Variants in PLCB1 observed in about 807,000 individuals in gnomAD.
PLCB1 encodes 1-phosphatidylinositol 4,5-bisphosphate phosphodiesterase beta-1.
A neutral mutation model predicts 161.8 loss-of-function variants in PLCB1; 46 were observed. That is an observed-to-expected ratio of 0.28 (90% CI 0.22 to 0.36). The LOEUF (loss-of-function observed/expected upper bound fraction) is 0.36. Among genes scored for constraint, PLCB1 ranks in the 10% least tolerant of loss-of-function variants. The probability of loss-of-function intolerance (pLI) is 1.00; values close to 1 mark genes in which losing one functional copy is unlikely to be tolerated. For synonymous variants in PLCB1, 517 were observed against 503.7 expected (o/e 1.03, Z -0.35); for missense variants, 1,016 against 1,472.5 (o/e 0.69, Z 5.07).
chr20:8,451,450 C>A (rs976889268), intron 3 of PLCB1, among the ~76,000 whole-genome samples: 2 of 152,082 alleles, frequency 1.3e-5, no homozygotes, highest in Admixed American at 6.5e-5. Context: ...TGGGTTCAAG[C>A]GATTCTCATG....
chr20:8,629,371 C>A (rs1280474079), intron 4 of PLCB1, among the ~76,000 whole-genome samples: 1 of 152,122 alleles, frequency 6.6e-6, no homozygotes, highest in Non-Finnish European at 1.5e-5. Context: ...CAGATATTTA[C>A]AAAAATAGCT....
chr20:8,774,088 AAGGCACATCTTT>A (rs2146203195), intron 26 of PLCB1, among the ~76,000 whole-genome samples: 1 of 152,324 alleles, frequency 6.6e-6, no homozygotes, highest in East Asian at 1.9e-4. Context: ...GATGCTAAAC[AAGGCACATCTTT>A]AGCTTCCTCT....
rs779690813 is a variant in PLCB1, at chr20:8,790,267, C to T, written c.3423+6C>T. The T allele has an allele frequency of 4.7e-5, 75 of 1,598,082 alleles. No homozygotes were observed. Among genetic ancestry groups the T allele is most frequent in the Non-Finnish European group, 5.7e-5 (67 of 1,168,146 alleles). Reference sequence around the variant, plus strand: ...TCCTGGATGAAAAGCCCAAGGTAAACGGAACTGAATTAAAATGAACAATTA... The same window carrying T: ...TCCTGGATGAAAAGCCCAAGGTAAATGGAACTGAATTAAAATGAACAATTA... On this transcript the variant is annotated splice_donor_region_variant and intron_variant, in intron 31 of 31. Transcript: ENST00000338037.
At chr20:8,275,797 G>C (rs374016588) in intron 2 of PLCB1, among the ~76,000 whole-genome samples, 2 of 152,146 alleles carry the variant, frequency 1.3e-5, no homozygotes, top group Admixed American at 6.6e-5. Context: ...GAGCTGTCTA[G>C]AGGGTATAAC....
intron 11 of PLCB1, among the ~76,000 whole-genome samples, chr20:8,704,722 G>C (rs902564882): frequency 9.9e-5 from 15 of 152,102 alleles, no homozygotes; most frequent in Admixed American, 3.3e-4. Flanking sequence ...CATTAGTCTG[G>C]ACTGTCTCTA....
intron 2 of PLCB1, among the ~76,000 whole-genome samples, chr20:8,259,015 A>G (rs151131379): frequency 6.6e-6 from 1 of 152,244 alleles, no homozygotes; most frequent in Admixed American, 6.5e-5. Flanking sequence ...CCAAAATATA[A>G]ATGGAATCAT....
At chr20:8,464,013 G>A (rs2122694302) in intron 3 of PLCB1, among the ~76,000 whole-genome samples, 1 of 152,180 alleles carries the variant, frequency 6.6e-6, no homozygotes. Flanking sequence ...TTTTCCATTT[G>A]TTTGAATGAA....
chr20:8,795,345 A>C (rs1983963122), intron 31 of PLCB1, among the ~76,000 whole-genome samples: 1 of 152,136 alleles, frequency 6.6e-6, no homozygotes, highest in African/African-American at 2.4e-5. Flanking sequence ...TTTGGCCTCA[A>C]TTTGACACAA....
intron 26 of PLCB1, among the ~76,000 whole-genome samples, chr20:8,772,900 A>G (rs1225290087): frequency 6.6e-6 from 1 of 152,202 alleles, no homozygotes; most frequent in Admixed American, 6.5e-5. Flanking sequence ...ATTGCACTCT[A>G]GCCTGGGCTA....
intron 2 of PLCB1, among the ~76,000 whole-genome samples, chr20:8,263,473 C>G (rs1689046184): frequency 1.3e-5 from 2 of 152,158 alleles, no homozygotes; most frequent in South Asian, 4.1e-4. Flanking sequence ...AACGCCTTCA[C>G]TATGTAACAT....
At chr20:8,224,625 G>A (rs1979580693) in intron 2 of PLCB1, among the ~76,000 whole-genome samples, 1 of 152,004 alleles carries the variant, frequency 6.6e-6, no homozygotes, top group South Asian at 2.1e-4. Context: ...CTTTTTGATG[G>A]TATTATAGCA....
intron 2 of PLCB1, among the ~76,000 whole-genome samples, chr20:8,310,684 C>T (rs1984356213): frequency 6.6e-6 from 1 of 152,018 alleles, no homozygotes; most frequent in Admixed American, 6.6e-5. Flanking sequence ...GATGCTGATC[C>T]CGTCACCCAG....
intron 2 of PLCB1, among the ~76,000 whole-genome samples, chr20:8,159,045 C>A (rs6055581): frequency 0.41 from 61,764 of 151,928 alleles, 12,589 homozygotes; most frequent in Middle Eastern, 0.46. Context: ...CACAGCTCCA[C>A]TAGGCAGTGC....
At chr20:8,185,782 A>C (rs1374947510) in intron 2 of PLCB1, among the ~76,000 whole-genome samples, 2 of 152,152 alleles carry the variant, frequency 1.3e-5, no homozygotes, top group Non-Finnish European at 2.9e-5. Flanking sequence ...TCTGAACAGC[A>C]GTGCTTTGTC....
chr20:8,553,708 A>C (rs4816069), intron 3 of PLCB1, among the ~76,000 whole-genome samples: 7,785 of 152,148 alleles, frequency 0.051, 526 homozygotes, highest in East Asian at 0.36. Context: ...GCCTTAATAA[A>C]ACTGCTGTTT....
chr20:8,612,001 A>G (rs1378705662), intron 3 of PLCB1, among the ~76,000 whole-genome samples: 1 of 152,132 alleles, frequency 6.6e-6, no homozygotes, highest in Non-Finnish European at 1.5e-5. Flanking sequence ...TTCTCTGTTG[A>G]AAAACCAACT....
intron 3 of PLCB1, among the ~76,000 whole-genome samples, chr20:8,458,156 T>C (rs1454605659): frequency 1.3e-5 from 2 of 152,104 alleles, no homozygotes; most frequent in East Asian, 3.9e-4. Context: ...TGATTCTGAG[T>C]TGAAAGGAGG....
chr20:8,874,006 T>A (rs1428184862), intron 31 of PLCB1, among the ~76,000 whole-genome samples: 8 of 152,060 alleles, frequency 5.3e-5, no homozygotes, highest in Admixed American at 3.9e-4. Flanking sequence ...AGGAATTAAA[T>A]TTTAAATATA....
intron 31 of PLCB1, among the ~76,000 whole-genome samples, chr20:8,837,375 CTG>C (rs1270902585): frequency 1.3e-5 from 2 of 151,922 alleles, no homozygotes; most frequent in Non-Finnish European, 2.9e-5. Context: ...GTTTGGAAAA[CTG>C]TGAGGGAATG....
Sources: allele counts gnomAD v4.1 joint callset (sites outside exome capture counted in the v4.1 genomes callset), GRCh38; gene constraint gnomAD v4.1.1; transcripts MANE v1.5; gene names NCBI Gene and HGNC (gene_info 2026-07-23, HGNC 2026-07-21).